Variants in PTPRN2 observed in about 807,000 individuals in gnomAD.
PTPRN2 encodes receptor-type tyrosine-protein phosphatase N2.
Under a neutral mutation model 118.8 loss-of-function variants are expected in PTPRN2, and 74 were observed. The ratio of observed to expected loss-of-function variants is 0.62; its 90% CI spans 0.52 to 0.76. PTPRN2 has a LOEUF of 0.76. Ranked by LOEUF, PTPRN2 falls within the 30% of genes least tolerant of loss-of-function variation. PTPRN2 has a pLI of 0.00. For missense variants in PTPRN2, 1,481 were observed against 1,394.4 expected (o/e 1.06, Z -0.99); for synonymous variants, 641 against 608.0 (o/e 1.05, Z -0.80).
At chr7:157,936,947 TG>T (rs1799744994) in intron 11 of PTPRN2, among the ~76,000 whole-genome samples, 1 of 152,278 alleles carries the variant, frequency 6.6e-6, no homozygotes, top group Admixed American at 6.5e-5. Context: ...CTTTCTCATC[TG>T]TAAAAAGTAT....
chr7:158,146,366 T>C (rs12670590), intron 6 of PTPRN2, among the ~76,000 whole-genome samples: 1 of 152,096 alleles, frequency 6.6e-6, no homozygotes, highest in Non-Finnish European at 1.5e-5. Flanking sequence ...AACCTACCCA[T>C]TGATTGCACC....
intron 11 of PTPRN2, among the ~76,000 whole-genome samples, chr7:157,941,495 C>A (rs1296278300): frequency 3.3e-5 from 5 of 151,740 alleles, no homozygotes; most frequent in Non-Finnish European, 5.9e-5. Flanking sequence ...CGTGACACTG[C>A]AAATCTAACT....
intron 2 of PTPRN2, among the ~76,000 whole-genome samples, chr7:158,487,522 T>C (rs977853852): frequency 4.6e-5 from 7 of 152,200 alleles, no homozygotes; most frequent in Non-Finnish European, 1.0e-4. Flanking sequence ...TAATAACCTC[T>C]GTTGGGCTTT....
chr7:157,782,834 C>T (rs146277201), intron 12 of PTPRN2, among the ~76,000 whole-genome samples: 24 of 152,290 alleles, frequency 1.6e-4, no homozygotes, highest in African/African-American at 3.6e-4. Flanking sequence ...ATAGTAGAGG[C>T]GCTGGGATGA....
At chr7:158,419,660 T>C (rs1465414793) in intron 2 of PTPRN2, among the ~76,000 whole-genome samples, 1 of 152,054 alleles carries the variant, frequency 6.6e-6, no homozygotes, top group Non-Finnish European at 1.5e-5. Flanking sequence ...AAATACCTGA[T>C]GGAGGACTTG....
At chr7:157,691,004 C>T (rs1797458309) in intron 12 of PTPRN2, among the ~76,000 whole-genome samples, 1 of 148,170 alleles carries the variant, frequency 6.7e-6, no homozygotes, top group Non-Finnish European at 1.5e-5. Context: ...TATATCCGGC[C>T]CGGCGCGCAC....
Position 157,942,177 on chromosome 7 carries a change from TCGGCC to T in PTPRN2, c.1724-43445_1724-43441del, listed in dbSNP as rs1800182381. ...GCCCACCCTCCACACACAGGGGTCC[TCGGCC>T]CACCCTCCACACACAGGGGTCCTCG... On this transcript the variant is annotated intron_variant, in intron 11 of 22. Coordinates refer to ENST00000389418, the MANE Select transcript of PTPRN2 (RefSeq NM_002847.5). Among the ~76,000 whole-genome samples, 4 of 33,446 alleles carry T rather than the reference TCGGCC, an allele frequency of 1.2e-4. No homozygotes were observed. In the African/African-American group the frequency reaches 1.4e-3, roughly 12 times the overall value. 21.9% of individuals were successfully genotyped at this position (33,446 alleles called of 152,430 possible). A position where few individuals can be genotyped will look rare whatever the true frequency, so the allele number is the denominator to read the frequency against.
chr7:158,472,235 A>G (rs1819913618), intron 2 of PTPRN2, among the ~76,000 whole-genome samples: 1 of 152,216 alleles, frequency 6.6e-6, no homozygotes, highest in Admixed American at 6.5e-5. Context: ...ATGAACCACC[A>G]TAAATTCCGT....
chr7:157,591,642 A>G lies in PTPRN2; in HGVS notation c.2496+3596T>C, dbSNP rs2150556125. Among the ~76,000 whole-genome samples, 1 of 152,370 alleles carries G rather than the reference A, an allele frequency of 6.6e-6. No homozygotes were observed. Among genetic ancestry groups the G allele is most frequent in the South Asian group, 2.1e-4 (1 of 4,830 alleles). ...AGGGCAAAGAGAACCCTAACTTTGA[A>G]TTTTTAAGAATGTCAATCTTGGGGC... On this transcript the variant is annotated intron_variant, in intron 17 of 22. Coordinates refer to ENST00000389418, the MANE Select transcript of PTPRN2 (RefSeq NM_002847.5). This position sits in a 1 kb window ranked among gnomAD's most constrained non-coding sequence, Gnocchi z 4.4.
At chr7:157,996,756 GA>G (rs1804778506) in intron 11 of PTPRN2, among the ~76,000 whole-genome samples, 1 of 152,060 alleles carries the variant, frequency 6.6e-6, no homozygotes, top group Non-Finnish European at 1.5e-5. Context: ...TGCTTGCAAA[GA>G]AAAAAAGTCA....
At chr7:157,652,757 A>T (rs1363156768) in intron 14 of PTPRN2, among the ~76,000 whole-genome samples, 1 of 152,198 alleles carries the variant, frequency 6.6e-6, no homozygotes, top group Non-Finnish European at 1.5e-5. Flanking sequence ...CGGGGCAGGC[A>T]CCTGCCGCCT....
intron 13 of PTPRN2, among the ~76,000 whole-genome samples, chr7:157,672,814 T>C (rs1244869828): frequency 6.6e-6 from 1 of 152,220 alleles, no homozygotes; most frequent in Admixed American, 6.5e-5. Context: ...CCACAAACTC[T>C]GTAGTGAATT....
rs1649151479 is a variant in PTPRN2, at chr7:158,517,461, A to T, written c.113-27676T>A. On this transcript the variant is annotated intron_variant, in intron 1 of 22. Transcript: ENST00000389418. The surrounding 1 kb of genome is among the most constrained non-coding windows in gnomAD (Gnocchi z 5.3). ...CCAAGTCTCCCTCAGTCCTTCCCAGACATCTCTTAAGGGGCCTGACTCTGC... is the reference window on the plus strand; with the variant it reads ...CCAAGTCTCCCTCAGTCCTTCCCAGTCATCTCTTAAGGGGCCTGACTCTGC... 6.6e-6 allele frequency among the ~76,000 whole-genome samples: 1 copy of T among 151,914 alleles called. No homozygotes were observed. The highest frequency in any genetic ancestry group is 1.5e-5 in the Non-Finnish European group (1 of 67,966).
At chr7:158,379,813 A>G (rs1045070090) in intron 2 of PTPRN2, among the ~76,000 whole-genome samples, 3 of 152,198 alleles carry the variant, frequency 2.0e-5, no homozygotes, top group African/African-American at 7.2e-5. Context: ...AGACTGGGTA[A>G]TTTATGCAGG....
chr7:157,675,279 C>T (rs1469114150), intron 13 of PTPRN2, among the ~76,000 whole-genome samples: 2 of 152,176 alleles, frequency 1.3e-5, no homozygotes. Flanking sequence ...CCTGCCGAGC[C>T]CTCACCTCGA....
chr7:158,297,306 G>C (rs1337769291), intron 3 of PTPRN2, among the ~76,000 whole-genome samples: 2 of 152,204 alleles, frequency 1.3e-5, no homozygotes, highest in African/African-American at 4.8e-5. Flanking sequence ...AACAATCTGG[G>C]AACCTATTCT....
intron 12 of PTPRN2, among the ~76,000 whole-genome samples, chr7:157,849,710 C>T (rs537249262): frequency 6.6e-6 from 1 of 152,224 alleles, no homozygotes; most frequent in African/African-American, 2.4e-5. Flanking sequence ...AGCCTAGGAT[C>T]CACTATCCAG....
intron 11 of PTPRN2, among the ~76,000 whole-genome samples, chr7:157,999,376 T>C (rs1228682545): frequency 1.3e-5 from 2 of 152,164 alleles, no homozygotes; most frequent in African/African-American, 4.8e-5. Flanking sequence ...GCTGCCCGAA[T>C]TTCTCACCAA....
intron 14 of PTPRN2, among the ~76,000 whole-genome samples, chr7:157,643,142 G>A (rs1479540358): frequency 6.6e-6 from 1 of 152,248 alleles, no homozygotes; most frequent in African/African-American, 2.4e-5. Context: ...CCCACCATCT[G>A]TCATACTAAA....
Sources: gnomAD v4.1 joint callset for allele counts (sites outside exome capture counted in the v4.1 genomes callset) on GRCh38, gnomAD v4.1.1 for gene constraint, Gnocchi (gnomAD v3.1) non-coding constraint, MANE v1.5 for transcripts, NCBI Gene and HGNC (gene_info 2026-07-23, HGNC 2026-07-21) for gene names.